Variants in AKR1D1 observed in about 807,000 individuals in gnomAD.
AKR1D1 encodes delta(4)-3-ketosteroid 5-beta-reductase.
AKR1D1 carries 32 observed loss-of-function variants against 42.6 expected under a neutral mutation model. The ratio of observed to expected loss-of-function variants is 0.75; its 90% confidence interval spans 0.57 to 1.01. The LOEUF is 1.01. AKR1D1 is among the 50% of genes least tolerant of loss of function. The pLI, the probability that AKR1D1 is intolerant of heterozygous loss-of-function variation, is 0.00. For missense variants in AKR1D1, 364 were observed against 402.2 expected, an observed-to-expected ratio of 0.91 and a Z score of 0.81; for synonymous variants, 123 against 135.5, an observed-to-expected ratio of 0.91 and a Z score of 0.64.
rs575025641 is a variant in AKR1D1 at position 138,106,718 on chromosome 7, G to T, written c.689+1G>T. 1.3e-6 allele frequency: 2 copies of T among 1,597,222 alleles called. No individual in the cohort carries two copies. Among genetic ancestry groups the T allele is most frequent in the Non-Finnish European group, 1.7e-6 (2 of 1,164,546 alleles). On this transcript the variant is annotated splice_donor_variant, in intron 6 of 8. Transcript: ENST00000242375. LOFTEE classifies it high-confidence loss of function. Reference sequence around the variant, plus strand: ...TGGGGACCAGTAGGAATCCAATCTGGTAAGTAAAACTTTAGGAAGCATTTC... The same window carrying T: ...TGGGGACCAGTAGGAATCCAATCTGTTAAGTAAAACTTTAGGAAGCATTTC...
In AKR1D1 at chr7:138,113,627, T is replaced by G. The variant is rs1197529138; in HGVS notation, c.856-63T>G. 19 of 1,376,246 alleles carry G rather than the reference T, an allele frequency of 1.4e-5. No individual in the cohort carries two copies. In the Admixed American group the frequency reaches 3.3e-4, roughly 24 times the overall value. The allele number at this position is 1,376,246 out of a possible 1,614,324, so 85.3% of individuals were successfully genotyped here. On this transcript the variant is annotated intron_variant, in intron 7 of 8. Coordinates refer to ENST00000242375, the MANE Select transcript of AKR1D1 (RefSeq NM_005989.4). ...TACATCTTTGGAAGGCTCCCACCGGTGGCCCCACTTTCTGATCCCAAGCTT... is the reference window on the plus strand; with the variant it reads ...TACATCTTTGGAAGGCTCCCACCGGGGGCCCCACTTTCTGATCCCAAGCTT...
At position 138,117,005 on chromosome 7, in the gene AKR1D1, T is replaced by A. The variant is rs1266390786; in HGVS notation, c.*343T>A. On this transcript the variant is annotated 3_prime_UTR_variant, in exon 9 of 9. Transcript: ENST00000242375. The stretch of plus-strand genomic sequence containing the variant: ...TGAATCTGGGTAGTAGCGTTGGTAA[T>A]CTGAGTTCTTTAAGGGTTAACAGGA... 4.0e-6 allele frequency: 1 copy of A among 252,400 alleles called. No homozygotes were observed. The highest frequency in any genetic ancestry group is 2.2e-5 in the African/African-American group (1 of 44,958). The allele number at this position is 252,400 out of a possible 1,614,324, so 15.6% of individuals were successfully genotyped here.
chr7:138,106,094 CAA>C (rs1794419746), intron 5 of AKR1D1, among the ~76,000 whole-genome samples: 1 of 152,090 alleles, frequency 6.6e-6, no homozygotes, highest in Non-Finnish European at 1.5e-5. Flanking sequence ...ATCAAATTAG[CAA>C]AGTTTTTGTC....
At chr7:138,088,883 TTAA>T in intron 2 of AKR1D1, 115 bp downstream of exon 2, 11 of 1,141,108 alleles carry the variant, frequency 9.6e-6, no homozygotes, top group Non-Finnish European at 1.4e-5. Context: ...TAGGCAGTAC[TTAA>T]TAACAGTTTG....
intron 2 of AKR1D1, among the ~76,000 whole-genome samples, chr7:138,090,762 G>A (rs1235501291): frequency 6.6e-6 from 1 of 152,064 alleles, no homozygotes; most frequent in Non-Finnish European, 1.5e-5. Context: ...AGCAACCTTG[G>A]CACCGTATGT....
Position 138,076,601 on chromosome 7 carries a change from A to G in AKR1D1, c.83A>G (p.Glu28Gly), listed in dbSNP as rs769791635. The G allele has an allele frequency of 2.5e-6, 4 of 1,612,076 alleles. No homozygotes were observed. Among genetic ancestry groups the G allele is most frequent in the Non-Finnish European group, 3.4e-6 (4 of 1,178,684 alleles). Residue 28 changes from glutamate to glycine, a missense_variant, in exon 1 of 9, where the codon GAA (glutamate) becomes GGA (glycine). Coordinates refer to ENST00000242375, the MANE Select transcript of AKR1D1 (RefSeq NM_005989.4). ...ATCATCGGACTTGGTACCTACTCAG[A>G]ACCTAAATCGGTAAGCTTATTTTTT... is the stretch of plus-strand genomic sequence containing the variant. ...IPIIGLGTYS[E>G]PKSTPKGACA...
intron 4 of AKR1D1, among the ~76,000 whole-genome samples, chr7:138,099,302 T>C (rs1585732792): frequency 1.3e-5 from 2 of 152,252 alleles, no homozygotes; most frequent in South Asian, 4.1e-4. Context: ...GAAAAAATGA[T>C]TTCACAGCCC....
rs373252045 is a variant in AKR1D1 at position 138,113,679 on chromosome 7, C to A, written c.856-11C>A. On this transcript the variant is annotated splice_polypyrimidine_tract_variant and intron_variant, in intron 7 of 8. Transcript: ENST00000242375. ...ACCTTCAAAAATGTTCTATTATTTC[C>A]GTTATTTCAGATCTTTGACTTTTCT... 2 of 1,612,308 alleles carry A rather than the reference C, an allele frequency of 1.2e-6. No homozygotes were observed. Among genetic ancestry groups the A allele is most frequent in the Non-Finnish European group, 1.7e-6 (2 of 1,178,450 alleles).
intron 4 of AKR1D1, among the ~76,000 whole-genome samples, chr7:138,100,693 G>C (rs1794283610): frequency 7.2e-6 from 1 of 138,792 alleles, no homozygotes; most frequent in Non-Finnish European, 1.5e-5. Flanking sequence ...TTTATAGTCA[G>C]AGATTCTTTT....
intron 5 of AKR1D1, among the ~76,000 whole-genome samples, chr7:138,106,159 A>G (rs142304099): frequency 6.6e-6 from 1 of 152,216 alleles, no homozygotes; most frequent in Non-Finnish European, 1.5e-5. Context: ...ATTAAATGCT[A>G]GTGAGTGCAA....
chr7:138,114,389 C>T (rs1179834200), intron 8 of AKR1D1, among the ~76,000 whole-genome samples: 2 of 152,104 alleles, frequency 1.3e-5, no homozygotes, highest in African/African-American at 4.8e-5. Context: ...ATAGTTTTGG[C>T]CAGGCGTGGT....
In AKR1D1 at chr7:138,117,890, G is replaced by T. The variant is rs547724988; in HGVS notation, c.*1228G>T. 1 of 152,284 alleles carries T rather than the reference G, an allele frequency of 6.6e-6. No individual in the cohort carries two copies. Among genetic ancestry groups the T allele is most frequent in the East Asian group, 1.9e-4 (1 of 5,174 alleles). 9.4% of individuals were successfully genotyped at this position (152,284 alleles called of 1,614,324 possible). ...AAAAATTAGCCAGGCGCGGTGGCGG[G>T]GGCCTGTAATCCCAGCTACTCAGGA... On this transcript the variant is annotated 3_prime_UTR_variant, in exon 9 of 9. Transcript: ENST00000242375.
intron 1 of AKR1D1, among the ~76,000 whole-genome samples, chr7:138,079,704 C>T (rs947091092): frequency 6.6e-5 from 10 of 152,334 alleles, no homozygotes; most frequent in Middle Eastern, 3.4e-3. Context: ...CACAAATGTG[C>T]CAATTACATC....
At chr7:138,076,795 C>T (rs1802948104) in intron 1 of AKR1D1, among the ~76,000 whole-genome samples, 184 bp downstream of exon 1, 1 of 152,108 alleles carries the variant, frequency 6.6e-6, no homozygotes, top group Non-Finnish European at 1.5e-5. Flanking sequence ...AAAGGTTAAA[C>T]TAAATCAATT....
rs1375441047 is a variant in AKR1D1 at position 138,109,116 on chromosome 7, T to C, written c.855+1536T>C. Among the ~76,000 whole-genome samples, 5 of 152,316 alleles carry C rather than the reference T, an allele frequency of 3.3e-5. No individual in the cohort carries two copies. In the East Asian group the frequency reaches 9.6e-4, roughly 29 times the overall value. ...ATTTTATAAAACAAGCTATGACATA[T>C]TTGTACACTGAAATATCATATAGCC... On this transcript the variant is annotated intron_variant, in intron 7 of 8. Transcript: ENST00000242375.
At chr7:138,105,029 G>T (rs979692070) in intron 4 of AKR1D1, among the ~76,000 whole-genome samples, 37 of 152,244 alleles carry the variant, frequency 2.4e-4, no homozygotes, top group African/African-American at 8.9e-4. Context: ...AAAGTGCTGG[G>T]ATTACAGGTG....
At position 138,096,304 on chromosome 7, in the gene AKR1D1, T is replaced by C. The variant is rs114781809; in HGVS notation, c.379-1562T>C. Among the ~76,000 whole-genome samples, 672 of 152,122 alleles carry C rather than the reference T, an allele frequency of 4.4e-3. 5 individuals are homozygous for C. Among genetic ancestry groups the C allele is most frequent in the African/African-American group, 0.015 (616 of 41,504 alleles). ...AGAATGCCTGACACTGGGTAATAGA[T>C]AATAAACAGAAATGTATTGGCTCAA... On this transcript the variant is annotated intron_variant, in intron 3 of 8. Transcript: ENST00000242375.
intron 1 of AKR1D1, among the ~76,000 whole-genome samples, chr7:138,083,667 C>G (rs1803104174): frequency 6.6e-6 from 1 of 152,116 alleles, no homozygotes; most frequent in Non-Finnish European, 1.5e-5. Context: ...TCACCTATCC[C>G]AATGTCATGA....
intron 2 of AKR1D1, chr7:138,091,284 A>G (rs1794071718): frequency 1.0e-5 from 2 of 197,312 alleles, no homozygotes; most frequent in Non-Finnish European, 2.1e-5. Context: ...CACCAGGGCT[A>G]ATTCAGCTGA....
Sources: allele counts gnomAD v4.1 joint callset (sites outside exome capture counted in the v4.1 genomes callset), GRCh38; gene constraint gnomAD v4.1.1; transcripts MANE v1.5; gene names NCBI Gene and HGNC (gene_info 2026-07-23, HGNC 2026-07-21).